CDH2: variants seen among roughly 807,000 people sequenced by gnomAD.
CDH2 encodes cadherin 2.
CDH2 carries 17 observed loss-of-function variants against 92.0 expected under a neutral mutation model. The observed-to-expected ratio is 0.18, with a 90% CI of 0.13 to 0.28. CDH2 has a LOEUF of 0.28. CDH2 is among the 10% of genes least tolerant of loss of function. CDH2 has a pLI of 1.00. For synonymous variants in CDH2, 419 were observed against 415.9 expected, an observed-to-expected ratio of 1.01 and a Z score of -0.09; for missense variants, 862 against 1,133.1, an observed-to-expected ratio of 0.76 and a Z score of 3.44.
chr18:28,091,455 T>C (rs1203171638), intron 2 of CDH2, among the ~76,000 whole-genome samples: 2 of 152,220 alleles, frequency 1.3e-5, no homozygotes, highest in African/African-American at 4.8e-5. Context: ...TCTCTCTGTA[T>C]GTTTTTGTAA....
At chr18:28,079,513 TCA>T (rs751970178) in intron 2 of CDH2, among the ~76,000 whole-genome samples, 1 of 152,220 alleles carries the variant, frequency 6.6e-6, no homozygotes, top group Non-Finnish European at 1.5e-5. Context: ...TTTTAAGAGA[TCA>T]CAGTTTTGTT....
intron 2 of CDH2, among the ~76,000 whole-genome samples, chr18:28,138,000 T>TAA (rs1167669393): frequency 1.3e-5 from 2 of 151,952 alleles, no homozygotes; most frequent in African/African-American, 4.8e-5. Context: ...TGGACTAATT[T>TAA]TTGTTCATTT....
intron 5 of CDH2, 38 bp downstream of exon 5, chr18:28,009,679 T>C (rs2013039313): frequency 1.3e-6 from 2 of 1,599,088 alleles, no homozygotes; most frequent in South Asian, 2.3e-5. Flanking sequence ...CATTTAGAAC[T>C]GTTAATACAC....
intron 6 of CDH2, among the ~76,000 whole-genome samples, chr18:27,945,193 C>A (rs747855018): frequency 2.0e-5 from 3 of 151,344 alleles, no homozygotes; most frequent in Non-Finnish European, 4.4e-5. Flanking sequence ...GAAGTACTGA[C>A]GATCAATGAA....
chr18:28,142,408 C>T (rs369062338), intron 2 of CDH2, among the ~76,000 whole-genome samples: 2 of 151,050 alleles, frequency 1.3e-5, no homozygotes, highest in African/African-American at 4.9e-5. Context: ...GAAAACTAGA[C>T]CTAAAATACA....
chr18:27,986,474 C>T (rs563399903), intron 11 of CDH2, among the ~76,000 whole-genome samples: 4 of 152,298 alleles, frequency 2.6e-5, no homozygotes, highest in African/African-American at 9.6e-5. Flanking sequence ...ACCTCAAACC[C>T]ATTCTCATTC....
chr18:28,109,838 CA>C (rs1263735788), intron 2 of CDH2, among the ~76,000 whole-genome samples: 1 of 152,180 alleles, frequency 6.6e-6, no homozygotes, highest in Non-Finnish European at 1.5e-5. Context: ...ACAAAAAGCA[CA>C]TAGTGTCAGC....
chr18:27,968,670 CTT>C (rs1397583461), intron 14 of CDH2, among the ~76,000 whole-genome samples: 4 of 152,202 alleles, frequency 2.6e-5, no homozygotes, highest in Non-Finnish European at 1.5e-5. Context: ...TTTGCTATCT[CTT>C]AGGCATGGGC....
At chr18:28,024,455 T>C (rs1056791618) in intron 2 of CDH2, among the ~76,000 whole-genome samples, 5 of 149,756 alleles carry the variant, frequency 3.3e-5, no homozygotes, top group Non-Finnish European at 7.4e-5. Flanking sequence ...ATAAATAATA[T>C]AAAGTAAGTA....
intron 2 of CDH2, among the ~76,000 whole-genome samples, chr18:28,129,248 A>C (rs1398189668): frequency 6.6e-6 from 1 of 152,212 alleles, no homozygotes; most frequent in Non-Finnish European, 1.5e-5. Flanking sequence ...TTTCTCTGAA[A>C]AAATTTACTT....
At chr18:28,141,945 T>C (rs1017914145) in intron 2 of CDH2, among the ~76,000 whole-genome samples, 4 of 151,586 alleles carry the variant, frequency 2.6e-5, no homozygotes, top group African/African-American at 9.7e-5. Flanking sequence ...TCTTACTCAA[T>C]GGTATCCTAT....
At chr18:28,154,255 C>T (rs2144339867) in intron 1 of CDH2, among the ~76,000 whole-genome samples, 1 of 152,342 alleles carries the variant, frequency 6.6e-6, no homozygotes, top group African/African-American at 2.4e-5. Context: ...TTGAACAGAG[C>T]ATTACCCCAT....
intron 2 of CDH2, among the ~76,000 whole-genome samples, chr18:28,094,346 G>C (rs1036612716): frequency 1.3e-5 from 2 of 151,964 alleles, no homozygotes; most frequent in African/African-American, 4.8e-5. Flanking sequence ...AAATTAGCCA[G>C]GCATGGTGGT....
At chr18:28,115,194 G>T (rs992730553) in intron 2 of CDH2, among the ~76,000 whole-genome samples, 6 of 152,102 alleles carry the variant, frequency 3.9e-5, no homozygotes, top group African/African-American at 1.4e-4. Flanking sequence ...TAGCTCCTGG[G>T]GTAGGTGTTG....
chr18:27,983,910 TG>T (rs1174670609), intron 13 of CDH2, among the ~76,000 whole-genome samples: 1 of 152,198 alleles, frequency 6.6e-6, no homozygotes, highest in Non-Finnish European at 1.5e-5. Context: ...ATCTAAAATC[TG>T]GGGGTATCAG....
intron 2 of CDH2, among the ~76,000 whole-genome samples, chr18:28,051,495 G>T (rs1456802584): frequency 1.3e-5 from 2 of 152,138 alleles, no homozygotes; most frequent in African/African-American, 4.8e-5. Context: ...AAGAGAAAGT[G>T]ATTTCCATGT....
intron 1 of CDH2, among the ~76,000 whole-genome samples, chr18:28,155,350 G>C (rs2016191407): frequency 6.6e-6 from 1 of 152,198 alleles, no homozygotes. Context: ...AACAATACGT[G>C]ATTCACCACA....
downstream of CDH2, among the ~76,000 whole-genome samples, chr18:27,947,891 T>G (rs574232208): frequency 6.6e-6 from 1 of 151,898 alleles, no homozygotes; most frequent in African/African-American, 2.4e-5. Flanking sequence ...TTGAAGTTTT[T>G]AACAAGTAGT....
chr18:27,966,897 C>G lies in CDH2; in HGVS notation c.2350-3376G>C, dbSNP rs545482193. Among the ~76,000 whole-genome samples, 25 of 152,152 alleles carry G rather than the reference C, an allele frequency of 1.6e-4. 1 individual carries two copies. The highest frequency in any genetic ancestry group is 5.8e-4 in the African/African-American group (24 of 41,514). On this transcript the variant is annotated intron_variant, in intron 14 of 15. Transcript: ENST00000269141. Reference sequence around the variant, plus strand: ...TTCCCACTAAAAAAAAAGTGTTGAACATAATCTCAGTGATGATACTTATGC... The same window carrying G: ...TTCCCACTAAAAAAAAAGTGTTGAAGATAATCTCAGTGATGATACTTATGC...
Sources: gnomAD v4.1 joint callset for allele counts (sites outside exome capture counted in the v4.1 genomes callset) on GRCh38, gnomAD v4.1.1 for gene constraint, MANE v1.5 for transcripts, NCBI Gene and HGNC (gene_info 2026-07-23, HGNC 2026-07-21) for gene names.